Variants in TNFRSF1B observed in about 807,000 individuals in gnomAD.
TNFRSF1B encodes the protein TNF receptor superfamily member 1B.
TNFRSF1B carries 19 observed loss-of-function variants against 44.6 expected under a neutral mutation model. The ratio of observed to expected loss-of-function variants is 0.43; its 90% confidence interval spans 0.30 to 0.62. The LOEUF is 0.62. Ranked by LOEUF, TNFRSF1B falls within the 20% of genes least tolerant of loss-of-function variation. The pLI, the probability that TNFRSF1B is intolerant of heterozygous loss-of-function variation, is 0.16. For synonymous variants in TNFRSF1B, 252 were observed against 261.1 expected (o/e 0.97, Z 0.34); for missense variants, 541 against 619.9 (o/e 0.87, Z 1.35).
At chr1:12,201,488 G>T (rs61774890) in intron 8 of TNFRSF1B, among the ~76,000 whole-genome samples, 2 of 148,396 alleles carry the variant, frequency 1.3e-5, no homozygotes, top group East Asian at 3.9e-4. Context: ...AAAAAAAAAG[G>T]CACAGAGAGG....
chr1:12,202,859 G>C (rs1045922540), intron 9 of TNFRSF1B, among the ~76,000 whole-genome samples: 1 of 152,206 alleles, frequency 6.6e-6, no homozygotes, highest in Admixed American at 6.5e-5. Flanking sequence ...CTAGGCTGTC[G>C]GGCTCCAGAG....
At position 12,180,600 on chromosome 1, in the gene TNFRSF1B, A is replaced by C. The variant is rs1284898444; in HGVS notation, c.79-8196A>C. Among the ~76,000 whole-genome samples, 1 of 152,204 alleles carries C rather than the reference A, an allele frequency of 6.6e-6. No individual in the cohort carries two copies. Among genetic ancestry groups the C allele is most frequent in the Non-Finnish European group, 1.5e-5 (1 of 68,036 alleles). ...CTGCCCCTTACCAGCTAAGGGCTCC[A>C]GCAGAGTCCTAGTCTTGAGCGAATC... On this transcript the variant is annotated intron_variant, in intron 1 of 9. Coordinates refer to ENST00000376259, the MANE Select transcript of TNFRSF1B (RefSeq NM_001066.3). This position sits in a 1 kb window ranked among gnomAD's most constrained non-coding sequence, Gnocchi z 4.3.
chr1:12,198,854 C>G (rs1284006181), intron 8 of TNFRSF1B, among the ~76,000 whole-genome samples: 2 of 152,056 alleles, frequency 1.3e-5, no homozygotes, highest in Non-Finnish European at 2.9e-5. Flanking sequence ...GCTCGCCCAG[C>G]TAATTTTTTG....
At chr1:12,183,641 GCTATTTTAT>G (rs1185703656) in intron 1 of TNFRSF1B, among the ~76,000 whole-genome samples, 12 of 140,202 alleles carry the variant, frequency 8.6e-5, no homozygotes, top group African/African-American at 3.1e-4. Context: ...TATCTATCTA[GCTATTTTAT>G]CTATTTTATC....
chr1:12,193,287 C>A, intron 6 of TNFRSF1B, 189 bp downstream of exon 6: 1 of 704,718 alleles, frequency 1.4e-6, no homozygotes. Flanking sequence ...TCCCTAAGTG[C>A]GTGGGCTGGA....
In TNFRSF1B at chr1:12,192,877, C is replaced by A; in HGVS notation, c.566C>A (p.Ala189Asp). 2 of 1,613,638 alleles carry A rather than the reference C, an allele frequency of 1.2e-6. No homozygotes were observed. The highest frequency in any genetic ancestry group is 1.7e-6 in the Non-Finnish European group (2 of 1,179,728). ...CRPHQICNVV[A>D]IPGNASMDAV... ...TCCTCCTCCAGCTGTAACGTGGTGG[C>A]CATCCCTGGGAATGCAAGCATGGAT... The change falls in exon 6 of 10, where the codon GCC becomes GAC. Residue 189 changes from alanine (A) to aspartate (D), a missense_variant. Coordinates refer to ENST00000376259, the MANE Select transcript of TNFRSF1B (RefSeq NM_001066.3).
intron 2 of TNFRSF1B, among the ~76,000 whole-genome samples, chr1:12,190,069 A>T (rs1472860767): frequency 6.6e-6 from 1 of 152,114 alleles, no homozygotes; most frequent in Non-Finnish European, 1.5e-5. Context: ...TCTGTCTGGG[A>T]GCCAATGGAG....
Position 12,206,823 on chromosome 1 carries a change from T to A in TNFRSF1B, c.1189T>A (p.Cys397Ser), listed in dbSNP as rs1361425049. The A allele has an allele frequency of 1.2e-6, 2 of 1,614,012 alleles. No individual in the cohort carries two copies. The highest frequency in any genetic ancestry group is 8.5e-7 in the Non-Finnish European group (1 of 1,180,014). Residue 397 changes from cysteine (C) to serine (S), a missense_variant, in exon 10 of 10, where the codon TGC (cysteine) becomes AGC (serine). Physicochemically the swap from Cys to Ser is moderately radical, Grantham distance 112. Coordinates refer to ENST00000376259, the MANE Select transcript of TNFRSF1B (RefSeq NM_001066.3). ...VCSSSDHSSQ[C>S]SSQASSTMGD... ...TAGCAGCTCTGACCACAGCTCACAG[T>A]GCTCCTCCCAAGCCAGCTCCACAAT...
intron 9 of TNFRSF1B, 70 bp downstream of exon 9, chr1:12,202,241 G>A (rs5746053): frequency 0.19 from 290,990 of 1,519,262 alleles, 28,609 homozygotes; most frequent in South Asian, 0.23. Flanking sequence ...TTCTGTCTTA[G>A]CCATCTCCTC....
chr1:12,192,276 CTGTGTGTG>C (rs4044500), intron 4 of TNFRSF1B, 147 bp from the exon 5 acceptor site: 9,091 of 688,562 alleles, frequency 0.013, 73 homozygotes, highest in East Asian at 0.094. Context: ...GTACAGGCAT[CTGTGTGTG>C]TGTGTGTGTG....
rs1639552917 is a variant in TNFRSF1B at position 12,208,097 on chromosome 1, C to G, written c.*1077C>G. 6.5e-6 allele frequency: 1 copy of G among 152,816 alleles called. No individual in the cohort carries two copies. Among genetic ancestry groups the G allele is most frequent in the Admixed American group, 6.5e-5 (1 of 15,280 alleles). 9.5% of individuals were successfully genotyped at this position (152,816 alleles called of 1,614,324 possible). A position where few individuals can be genotyped will look rare whatever the true frequency, so the allele number is the denominator to read the frequency against. On this transcript the variant is annotated 3_prime_UTR_variant, in exon 10 of 10. Coordinates refer to ENST00000376259, the MANE Select transcript of TNFRSF1B (RefSeq NM_001066.3). The stretch of plus-strand genomic sequence containing the variant: ...GTAAGTACCACTCAGGCCAACAAGC[C>G]AACGACAAAGCCAAACTCTGCCAGC...
intron 2 of TNFRSF1B, among the ~76,000 whole-genome samples, chr1:12,189,695 T>C (rs1639068683): frequency 6.6e-6 from 1 of 152,256 alleles, no homozygotes; most frequent in Admixed American, 6.5e-5. Context: ...TGCAGACAGA[T>C]ACATTAGGAG....
At position 12,188,308 on chromosome 1, in the gene TNFRSF1B, AGAG is replaced by A. The variant is rs1240144055; in HGVS notation, c.79-472_79-470del. Reference sequence around the variant, plus strand: ...CATAACCCACGTTTAGAGAGAGCCGAGAGGAGGAGGAGGAGGAGCTTGAATTAG... The same window carrying A: ...CATAACCCACGTTTAGAGAGAGCCGAGAGGAGGAGGAGGAGCTTGAATTAG... On this transcript the variant is annotated intron_variant, in intron 1 of 9. Coordinates refer to ENST00000376259, the MANE Select transcript of TNFRSF1B (RefSeq NM_001066.3). Among the ~76,000 whole-genome samples, 4 of 152,062 alleles carry A rather than the reference AGAG, an allele frequency of 2.6e-5. 1 individual carries two copies. The highest frequency in any genetic ancestry group is 5.9e-5 in the Non-Finnish European group (4 of 68,000).
intron 8 of TNFRSF1B, 46 bp downstream of exon 8, chr1:12,194,664 C>G: frequency 1.2e-6 from 2 of 1,610,384 alleles, no homozygotes; most frequent in Non-Finnish European, 1.7e-6. Context: ...TGGTCTCCTT[C>G]CCGGCGTGCT....
At chr1:12,206,655 G>A in intron 9 of TNFRSF1B, 85 bp from the exon 10 acceptor site, 1 of 1,428,980 alleles carries the variant, frequency 7.0e-7, no homozygotes, top group Non-Finnish European at 9.4e-7. Flanking sequence ...TTTCCCATGT[G>A]TCTGAATCTG....
In TNFRSF1B at chr1:12,188,795, G is replaced by A; in HGVS notation, c.79-1G>A. 1 of 1,613,058 alleles carries A rather than the reference G, an allele frequency of 6.2e-7. No individual in the cohort carries two copies. The stretch of plus-strand genomic sequence containing the variant: ...TGGCAGTCTTCCCTTCTTCCTTCCA[G>A]GTGGCATTTACACCCTACGCCCCGG... On this transcript the variant is annotated splice_acceptor_variant, in intron 1 of 9. Transcript: ENST00000376259. LOFTEE classifies it high-confidence loss of function.
At position 12,208,580 on chromosome 1, in the gene TNFRSF1B, C is replaced by T. The variant is rs5746073; in HGVS notation, c.*1560C>T. On this transcript the variant is annotated 3_prime_UTR_variant, in exon 10 of 10. Transcript: ENST00000376259. ...GAGGGGAAACCAGTGTAGCCTTGCCCGGATTCTGGGAGGAAGCAGGTTGAG... is the reference window on the plus strand; with the variant it reads ...GAGGGGAAACCAGTGTAGCCTTGCCTGGATTCTGGGAGGAAGCAGGTTGAG... 0.031 allele frequency: 4,720 copies of T among 152,478 alleles called. 90 individuals are homozygous for T. The highest frequency in any genetic ancestry group is 0.047 in the Non-Finnish European group (3,229 of 68,112). The allele number at this position is 152,478 out of a possible 1,614,324, so 9.4% of individuals were successfully genotyped here.
In TNFRSF1B at chr1:12,168,755, C is replaced by A. The variant is rs1638453765; in HGVS notation, c.78+1586C>A. On this transcript the variant is annotated intron_variant, in intron 1 of 9. Coordinates refer to ENST00000376259, the MANE Select transcript of TNFRSF1B (RefSeq NM_001066.3). This position sits in a 1 kb window ranked among gnomAD's most constrained non-coding sequence, Gnocchi z 4.7. ...CCTCCCTCATCCCTGCTCCCCACGA[C>A]CCCACCCGGACTATTGCCGCAGCCT... 6.6e-6 allele frequency among the ~76,000 whole-genome samples: 1 copy of A among 152,112 alleles called. No individual in the cohort carries two copies. The highest frequency in any genetic ancestry group is 2.4e-5 in the African/African-American group (1 of 41,390).
In TNFRSF1B at chr1:12,188,909, C is replaced by G. The variant is rs768438719; in HGVS notation, c.178+14C>G. ...AATGCTCGCCGGGTGAGGGCAGCCA[C>G]GGGGGCACTCGGGGCCCATGCCCTG... On this transcript the variant is annotated intron_variant, in intron 2 of 9. Transcript: ENST00000376259. 8.5e-5 allele frequency: 137 copies of G among 1,608,566 alleles called. No individual in the cohort carries two copies. The African/African-American group carries it at 1.4e-3, about 17-fold the overall frequency.
Sources: gnomAD v4.1 joint callset for allele counts (sites outside exome capture counted in the v4.1 genomes callset) on GRCh38, gnomAD v4.1.1 for gene constraint, Gnocchi (gnomAD v3.1) non-coding constraint, MANE v1.5 for transcripts, NCBI Gene and HGNC (gene_info 2026-07-23, HGNC 2026-07-21) for gene names.